FOXP1: variants seen among roughly 807,000 people sequenced by gnomAD.
FOXP1 encodes the protein forkhead box protein P1.
In FOXP1, 15 loss-of-function variants were observed where a neutral mutation model predicts 98.2. The ratio of observed to expected loss-of-function variants is 0.15; its 90% CI spans 0.10 to 0.24. The LOEUF (loss-of-function observed/expected upper bound fraction) is 0.24, where lower values mean the gene tolerates loss of function less well. Among genes scored for constraint, FOXP1 ranks in the 10% least tolerant of loss-of-function variants. The pLI, the probability that FOXP1 is intolerant of heterozygous loss-of-function variation, is 1.00. For synonymous variants in FOXP1, 371 were observed against 314.5 expected, an observed-to-expected ratio of 1.18 and a Z score of -1.90; for missense variants, 633 against 848.5, an observed-to-expected ratio of 0.75 and a Z score of 3.15.
At chr3:71,546,499 C>T (rs1211915162) in intron 2 of FOXP1, among the ~76,000 whole-genome samples, 2 of 152,218 alleles carry the variant, frequency 1.3e-5, no homozygotes, top group East Asian at 1.9e-4. Context: ...AACAGTGGAG[C>T]CTCTGGCCAT....
chr3:71,542,645 T>G (rs554091736), intron 2 of FOXP1, among the ~76,000 whole-genome samples: 22 of 152,312 alleles, frequency 1.4e-4, no homozygotes, highest in Admixed American at 1.3e-3. Flanking sequence ...CATCTGCAGT[T>G]GATGAAATGG....
At chr3:71,539,072 T>C (rs1487245906) in intron 2 of FOXP1, among the ~76,000 whole-genome samples, 1 of 151,470 alleles carries the variant, frequency 6.6e-6, no homozygotes, top group Non-Finnish European at 1.5e-5. Flanking sequence ...TTGATTATTG[T>C]AGCTTTGTTT....
At chr3:71,297,489 C>CAA (rs756846802) in intron 5 of FOXP1, among the ~76,000 whole-genome samples, 6 of 93,026 alleles carry the variant, frequency 6.4e-5, no homozygotes, top group Admixed American at 1.1e-4. Flanking sequence ...CAGGTGATTA[C>CAA]AAAAAAAAAA....
intron 5 of FOXP1, among the ~76,000 whole-genome samples, chr3:71,274,676 A>G (rs1320697121): frequency 1.3e-5 from 2 of 152,248 alleles, no homozygotes; most frequent in African/African-American, 4.8e-5. Flanking sequence ...ATAATAATTT[A>G]GCATTACAGG....
chr3:71,479,333 C>T (rs2106820353), intron 3 of FOXP1, among the ~76,000 whole-genome samples: 1 of 152,310 alleles, frequency 6.6e-6, no homozygotes, highest in East Asian at 1.9e-4. Flanking sequence ...AGGTTAAGAA[C>T]AGTCACTGTT....
intron 4 of FOXP1, among the ~76,000 whole-genome samples, chr3:71,344,246 T>C (rs562734552): frequency 1.3e-5 from 2 of 152,322 alleles, no homozygotes; most frequent in South Asian, 4.1e-4. Flanking sequence ...CTGCTAGAGT[T>C]TCCCCTAACC....
At chr3:71,083,132 A>C (rs1479595699) in intron 7 of FOXP1, among the ~76,000 whole-genome samples, 1 of 152,048 alleles carries the variant, frequency 6.6e-6, no homozygotes, top group East Asian at 1.9e-4. Flanking sequence ...CCAGTGTCGG[A>C]GGTGGGGCCT....
chr3:71,225,005 CAA>C (rs1489554572), intron 5 of FOXP1, among the ~76,000 whole-genome samples: 2 of 152,150 alleles, frequency 1.3e-5, no homozygotes, highest in Non-Finnish European at 2.9e-5. Flanking sequence ...ATGACCTATA[CAA>C]TACCTGCAAT....
intron 5 of FOXP1, among the ~76,000 whole-genome samples, chr3:71,291,127 C>T (rs1039469608): frequency 5.9e-5 from 9 of 152,140 alleles, no homozygotes; most frequent in Admixed American, 1.3e-4. Context: ...TTGTTTATCA[C>T]GCTTCGCTGG....
At chr3:71,373,057 C>T (rs559499025) in intron 3 of FOXP1, among the ~76,000 whole-genome samples, 82 of 152,310 alleles carry the variant, frequency 5.4e-4, no homozygotes, top group African/African-American at 1.8e-3. Context: ...ATTGTCTGCA[C>T]GCTGAGCTCC....
At chr3:71,000,904 C>G in intron 13 of FOXP1, 68 bp downstream of exon 13, 1 of 992,336 alleles carries the variant, frequency 1.0e-6, no homozygotes, top group South Asian at 1.3e-5. Flanking sequence ...GAACTCATTA[C>G]AGAACACTAC....
intron 2 of FOXP1, among the ~76,000 whole-genome samples, chr3:71,502,151 G>A (rs984418341): frequency 6.6e-6 from 1 of 152,198 alleles, no homozygotes; most frequent in Non-Finnish European, 1.5e-5. Context: ...TTCCACTCAT[G>A]ATTCAATTAA....
intron 7 of FOXP1, among the ~76,000 whole-genome samples, chr3:71,103,320 T>C (rs1303659570): frequency 6.6e-6 from 1 of 152,238 alleles, no homozygotes; most frequent in Non-Finnish European, 1.5e-5. Context: ...CTTATTTTCA[T>C]GTTCCTGCAA....
chr3:71,554,308 A>G (rs889001622), intron 2 of FOXP1, among the ~76,000 whole-genome samples: 5 of 152,218 alleles, frequency 3.3e-5, no homozygotes, highest in Non-Finnish European at 5.9e-5. Context: ...AGCTATGATC[A>G]TAACACTACA....
intron 18 of FOXP1, chr3:70,972,295 A>G: frequency 9.6e-7 from 1 of 1,043,218 alleles, no homozygotes; most frequent in Non-Finnish European, 1.4e-6. Context: ...TGCAATAAGC[A>G]TAAGCAAATG....
chr3:71,111,606 C>T (rs1417954313), intron 7 of FOXP1, among the ~76,000 whole-genome samples: 1 of 152,138 alleles, frequency 6.6e-6, no homozygotes, highest in Non-Finnish European at 1.5e-5. Context: ...ACCAGGTTGG[C>T]CAGCCTCGTC....
chr3:70,976,023 TTAGTA>T (rs1378655986), intron 17 of FOXP1, among the ~76,000 whole-genome samples: 9 of 105,876 alleles, frequency 8.5e-5, no homozygotes, highest in African/African-American at 2.3e-4. Flanking sequence ...CTTTTCTTCC[TTAGTA>T]TATCTATGAG....
intron 6 of FOXP1, among the ~76,000 whole-genome samples, chr3:71,125,253 T>C (rs1332046023): frequency 2.0e-5 from 3 of 152,210 alleles, no homozygotes; most frequent in Non-Finnish European, 4.4e-5. Flanking sequence ...TTACTTTATA[T>C]AAACAGAAAG....
intron 6 of FOXP1, among the ~76,000 whole-genome samples, chr3:71,155,129 C>CAGGTTTGTCTCAGTCCA (rs1331237662): frequency 2.0e-5 from 3 of 152,074 alleles, no homozygotes; most frequent in Admixed American, 6.5e-5. Flanking sequence ...GATTGAAACT[C>CAGGTTTGTCTCAGTCCA]AGGTTTGTCT....
Sources: allele counts gnomAD v4.1 joint callset (sites outside exome capture counted in the v4.1 genomes callset), GRCh38; gene constraint gnomAD v4.1.1; transcripts MANE v1.5; gene names NCBI Gene and HGNC (gene_info 2026-07-23, HGNC 2026-07-21).